The following ITGA1 variants were observed in gnomAD, a reference collection of about 807,000 sequenced individuals.
ITGA1 encodes the protein integrin subunit alpha 1.
ITGA1 carries 85 observed loss-of-function variants against 145.9 expected under a neutral mutation model. The ratio of observed to expected loss-of-function variants is 0.58; its 90% CI spans 0.49 to 0.70. The LOEUF (loss-of-function observed/expected upper bound fraction) is 0.70, where lower values mean the gene tolerates loss of function less well. Ranked by LOEUF, ITGA1 falls within the 30% of genes least tolerant of loss-of-function variation. ITGA1 has a pLI of 0.00. For synonymous variants in ITGA1, 520 were observed against 495.3 expected (o/e 1.05, Z -0.66); for missense variants, 1,351 against 1,418.7 (o/e 0.95, Z 0.77).
intron 14 of ITGA1, among the ~76,000 whole-genome samples, chr5:52,913,132 T>A (rs1242809076): frequency 2.0e-5 from 3 of 151,828 alleles, no homozygotes; most frequent in African/African-American, 4.8e-5. Context: ...TTGAAACAGT[T>A]AAAAAAAAGA....
chr5:52,951,202 G>A (rs759844810), intron 28 of ITGA1, among the ~76,000 whole-genome samples: 8 of 151,956 alleles, frequency 5.3e-5, no homozygotes, highest in African/African-American at 7.3e-5. Flanking sequence ...CCATAATTTC[G>A]TGATTAAAAT....
chr5:52,806,710 A>G (rs1013708636), intron 1 of ITGA1, among the ~76,000 whole-genome samples: 5 of 152,142 alleles, frequency 3.3e-5, no homozygotes, highest in Admixed American at 6.5e-5. Flanking sequence ...AGTATTTAAT[A>G]TCTCTATTTT....
chr5:52,907,874 A>G (rs1200716085), intron 12 of ITGA1, among the ~76,000 whole-genome samples: 2 of 152,186 alleles, frequency 1.3e-5, no homozygotes, highest in South Asian at 4.1e-4. Flanking sequence ...AACTTTTAAA[A>G]AAACCTCTCA....
chr5:52,899,377 G>A (rs972243411), intron 11 of ITGA1, among the ~76,000 whole-genome samples: 2 of 152,156 alleles, frequency 1.3e-5, no homozygotes, highest in Non-Finnish European at 2.9e-5. Context: ...AGGAGCAGCA[G>A]GACTTAAGAA....
At chr5:52,790,380 C>T (rs1748215069) in intron 1 of ITGA1, among the ~76,000 whole-genome samples, 2 of 152,234 alleles carry the variant, frequency 1.3e-5, no homozygotes, top group African/African-American at 2.4e-5. Flanking sequence ...GTTGTAACAA[C>T]TTGCCATAGA....
intron 6 of ITGA1, among the ~76,000 whole-genome samples, chr5:52,876,280 A>G (rs550675259): frequency 3.4e-5 from 5 of 146,688 alleles, no homozygotes; most frequent in Admixed American, 7.0e-5. Context: ...AATCTCACCA[A>G]TATTCAGCAC....
At chr5:52,893,932 T>C in intron 9 of ITGA1, 92 bp downstream of exon 9, 1 of 899,888 alleles carries the variant, frequency 1.1e-6, no homozygotes. Flanking sequence ...ACATCAGTAA[T>C]ACTTTTTTTT....
At chr5:52,831,952 G>A (rs2111722521) in intron 1 of ITGA1, among the ~76,000 whole-genome samples, 1 of 152,260 alleles carries the variant, frequency 6.6e-6, no homozygotes, top group Admixed American at 6.5e-5. Flanking sequence ...AATGAGTCAT[G>A]TCTTTGTAGC....
intron 7 of ITGA1, among the ~76,000 whole-genome samples, chr5:52,887,178 T>C (rs1241112130): frequency 6.6e-6 from 1 of 152,180 alleles, no homozygotes; most frequent in East Asian, 1.9e-4. Flanking sequence ...AACCACTTTT[T>C]GCTCCCTAAA....
At position 52,940,923 on chromosome 5, in the gene ITGA1, T is replaced by C. The variant is rs540387348; in HGVS notation, c.3285+979T>C. 2.6e-4 allele frequency among the ~76,000 whole-genome samples: 40 copies of C among 152,230 alleles called. No homozygotes were observed. The South Asian group carries it at 7.9e-3, about 30-fold the overall frequency. ...CTCAGGTAGTGGGCATAATACCCAA[T>C]AGGTAGTTTGTCAGCTCCTCCAAGT... On this transcript the variant is annotated intron_variant, in intron 26 of 28. Transcript: ENST00000282588.
In ITGA1 at chr5:52,940,593, G is replaced by A. The variant is rs936817651; in HGVS notation, c.3285+649G>A. On this transcript the variant is annotated intron_variant, in intron 26 of 28. Transcript: ENST00000282588. ...CCGGCTAATTTTTTTTTGTATTTTA[G>A]TAGAGACTATGAAGACATTTTTAAC... 2.0e-5 allele frequency among the ~76,000 whole-genome samples: 3 copies of A among 151,652 alleles called. No individual in the cohort carries two copies. In the East Asian group the frequency reaches 5.8e-4, roughly 29 times the overall value.
intron 12 of ITGA1, among the ~76,000 whole-genome samples, chr5:52,906,623 T>C (rs779864010): frequency 6.6e-6 from 1 of 152,216 alleles, no homozygotes; most frequent in Non-Finnish European, 1.5e-5. Flanking sequence ...TTTTGAATTG[T>C]GATAGCTTGG....
intron 23 of ITGA1, 95 bp from the exon 24 acceptor site, chr5:52,937,306 A>G (rs940625558): frequency 1.5e-5 from 12 of 799,724 alleles, no homozygotes; most frequent in Non-Finnish European, 2.4e-5. Flanking sequence ...ATATTACACA[A>G]TTTACTTCAT....
rs1006382616 is a variant in ITGA1, at chr5:52,915,643, G to T, written c.1988+49G>T. The T allele has an allele frequency of 9.3e-6, 15 of 1,604,762 alleles. No homozygotes were observed. In the Middle Eastern group the frequency reaches 1.0e-3, roughly 107 times the overall value. The stretch of plus-strand genomic sequence containing the variant: ...TTAATCTGAGACTGGGTCACTTGCA[G>T]AGCTCCCAGTGTGATTGGAGCTCAT... On this transcript the variant is annotated intron_variant, in intron 15 of 28. Coordinates refer to ENST00000282588, the MANE Select transcript of ITGA1 (RefSeq NM_181501.2).
In ITGA1 at chr5:52,948,011, T is replaced by G. The variant is rs561286053; in HGVS notation, c.3495+550T>G. ...GTGGAGGATAAGGGATCAGCTGATG[T>G]AGGGGAGATCTTAAAGTTTCACAGA... is the stretch of plus-strand genomic sequence containing the variant. On this transcript the variant is annotated intron_variant, in intron 28 of 28. Transcript: ENST00000282588. Among the ~76,000 whole-genome samples, 49 of 152,264 alleles carry G rather than the reference T, an allele frequency of 3.2e-4. 1 individual carries two copies. The South Asian group carries it at 9.7e-3, about 30-fold the overall frequency.
Position 52,887,835 on chromosome 5 carries a change from C to T in ITGA1, c.794C>T (p.Ala265Val). The part of the protein sequence containing the change: ...DTARKEAFTE[A>V]RGARRGVKKV... ...TTTAGAAAGGAGGCATTCACGGAAG[C>T]CCGGGGTGCCCGAAGAGGAGTTAAA... is the stretch of plus-strand genomic sequence containing the variant. Residue 265 changes from alanine (A) to valine (V), a missense_variant, in exon 8 of 29, where the codon GCC (alanine) becomes GTC (valine). Physicochemically the swap from Ala to Val is moderately conservative, Grantham distance 64 (BLOSUM62 0). Transcript: ENST00000282588. 3 of 1,613,194 alleles carry T rather than the reference C, an allele frequency of 1.9e-6. No homozygotes were observed. Among genetic ancestry groups the T allele is most frequent in the South Asian group, 2.2e-5 (2 of 90,904 alleles).
chr5:52,918,455 C>G (rs1421805677), intron 15 of ITGA1, among the ~76,000 whole-genome samples: 1 of 152,114 alleles, frequency 6.6e-6, no homozygotes, highest in African/African-American at 2.4e-5. Flanking sequence ...TGGGGTTTCA[C>G]CTGGACACTT....
chr5:52,876,205 T>C (rs1426788970), intron 6 of ITGA1, among the ~76,000 whole-genome samples: 1 of 152,214 alleles, frequency 6.6e-6, no homozygotes, highest in Non-Finnish European at 1.5e-5. Flanking sequence ...ACATTTACAT[T>C]ATGCTTGTTT....
intron 1 of ITGA1, among the ~76,000 whole-genome samples, chr5:52,834,565 A>AGAGAGAAGAAAGAAAGAAT (rs1749128681): frequency 3.3e-5 from 5 of 150,078 alleles, no homozygotes; most frequent in Non-Finnish European, 5.9e-5. Flanking sequence ...AGAGAGAGAA[A>AGAGAGAAGAAAGAAAGAAT]GAGAGAAGAA....
Sources: gnomAD v4.1 joint callset for allele counts (sites outside exome capture counted in the v4.1 genomes callset) on GRCh38, gnomAD v4.1.1 for gene constraint, MANE v1.5 for transcripts, NCBI Gene and HGNC (gene_info 2026-07-23, HGNC 2026-07-21) for gene names.